Variants in CPNE2 observed in about 807,000 individuals in gnomAD.
The protein encoded by CPNE2 is copine-2.
CPNE2 carries 42 observed loss-of-function variants against 69.7 expected under a neutral mutation model. The observed-to-expected ratio is 0.60, with a 90% confidence interval of 0.47 to 0.78. The LOEUF (loss-of-function observed/expected upper bound fraction) is 0.78. CPNE2 is among the 30% of genes least tolerant of loss of function. The pLI is 0.00. For synonymous variants in CPNE2, 294 were observed against 289.8 expected (o/e 1.01, Z -0.15); for missense variants, 587 against 732.0 (o/e 0.80, Z 2.29).
intron 3 of CPNE2, among the ~76,000 whole-genome samples, chr16:57,115,061 C>T (rs972492093): frequency 4.6e-5 from 7 of 151,340 alleles, no homozygotes; most frequent in Non-Finnish European, 1.0e-4. Context: ...GAGCCGTGAT[C>T]GAGACCTGTC....
chr16:57,134,099 CG>C (rs756397021), intron 12 of CPNE2, among the ~76,000 whole-genome samples: 9 of 152,200 alleles, frequency 5.9e-5, no homozygotes, highest in Non-Finnish European at 1.2e-4. Flanking sequence ...CAGCAGCAGC[CG>C]GATGTGATGG....
intron 14 of CPNE2, among the ~76,000 whole-genome samples, chr16:57,140,093 CG>C (rs1287381633): frequency 6.6e-6 from 1 of 152,050 alleles, no homozygotes; most frequent in African/African-American, 2.4e-5. Flanking sequence ...AGGAGCTTCC[CG>C]GCCCTGACCC....
At chr16:57,110,590 T>A in intron 1 of CPNE2, 118 bp from the exon 2 acceptor site, 1 of 549,644 alleles carries the variant, frequency 1.8e-6, no homozygotes, top group South Asian at 2.9e-5. Context: ...ACAACCCGCC[T>A]CAATTTGCCT....
At chr16:57,093,022 C>G (rs977843532) in intron 1 of CPNE2, among the ~76,000 whole-genome samples, 1 of 152,078 alleles carries the variant, frequency 6.6e-6, no homozygotes, top group South Asian at 2.1e-4. Flanking sequence ...CGGGGAAGGG[C>G]GGGCGGGGTC....
intron 12 of CPNE2, among the ~76,000 whole-genome samples, chr16:57,131,545 G>A (rs114453856): frequency 2.0e-3 from 306 of 152,350 alleles, no homozygotes; most frequent in African/African-American, 7.1e-3. Context: ...TCAAAGAACT[G>A]AATGAGATGT....
chr16:57,134,879 G>T, intron 13 of CPNE2, 53 bp downstream of exon 13: 1 of 1,587,620 alleles, frequency 6.3e-7, no homozygotes, highest in Non-Finnish European at 8.6e-7. Context: ...GGCCTGGCCA[G>T]CTCCCTGGGT....
intron 2 of CPNE2, among the ~76,000 whole-genome samples, chr16:57,112,622 G>A (rs2069688834): frequency 6.6e-6 from 1 of 152,180 alleles, no homozygotes; most frequent in Admixed American, 6.5e-5. Context: ...CAGGAGGCGG[G>A]TTTCCTGTCC....
intron 5 of CPNE2, among the ~76,000 whole-genome samples, chr16:57,118,990 TG>T (rs1216067833): frequency 2.7e-5 from 4 of 149,042 alleles, no homozygotes; most frequent in Non-Finnish European, 4.5e-5. Context: ...GGGTTTCTGC[TG>T]GGGGACCTGG....
chr16:57,098,137 C>T (rs542072087), intron 1 of CPNE2, among the ~76,000 whole-genome samples: 1 of 152,242 alleles, frequency 6.6e-6, no homozygotes, highest in African/African-American at 2.4e-5. Context: ...AGAGCCAGAG[C>T]TTAGTGATTA....
Position 57,123,430 on chromosome 16 carries a change from C to T in CPNE2, c.884C>T (p.Ser295Phe), listed in dbSNP as rs141813722. Residue 295 changes from serine (S) to phenylalanine (F), a missense_variant, in exon 10 of 16, where the codon TCC becomes TTC. Around this residue, in one of 5 missense-constraint regions of CPNE2, gnomAD observed 269 missense variants for 300.5 expected, o/e 0.90. Transcript: ENST00000290776. The stretch of plus-strand genomic sequence containing the variant: ...TTCTTCCAGATAAACCGAGACTACT[C>T]CTTCCTTGACTACATCCTGGGAGGC... The part of the protein sequence containing the change: ...LRSCKINRDY[S>F]FLDYILGGCQ... 70 of 1,613,134 alleles carry T rather than the reference C, an allele frequency of 4.3e-5. No homozygotes were observed. The highest frequency in any genetic ancestry group is 5.8e-5 in the Non-Finnish European group (68 of 1,180,048).
chr16:57,101,156 G>A (rs1203689151), intron 1 of CPNE2, among the ~76,000 whole-genome samples: 1 of 152,204 alleles, frequency 6.6e-6, no homozygotes, highest in African/African-American at 2.4e-5. Flanking sequence ...TAGAAACCCT[G>A]CCTGGGTTTC....
intron 1 of CPNE2, among the ~76,000 whole-genome samples, chr16:57,099,658 C>T (rs560829393): frequency 4.6e-5 from 7 of 151,024 alleles, no homozygotes; most frequent in Non-Finnish European, 8.8e-5. Context: ...AGTGCAGTGG[C>T]GCGATCTCAG....
intron 6 of CPNE2, 117 bp from the exon 7 acceptor site, chr16:57,119,444 T>C: frequency 1.8e-6 from 2 of 1,130,124 alleles, no homozygotes; most frequent in Non-Finnish European, 2.6e-6. Context: ...CTCACTTCTG[T>C]CTCTGGAAGT....
chr16:57,140,193 A>G (rs1191877600), intron 14 of CPNE2, among the ~76,000 whole-genome samples: 1 of 151,018 alleles, frequency 6.6e-6, no homozygotes, highest in Non-Finnish European at 1.5e-5. Flanking sequence ...TTTTTGAGAC[A>G]GAGTTTCACT....
chr16:57,124,708 C>T (rs1167677930), intron 10 of CPNE2: 1 of 247,454 alleles, frequency 4.0e-6, no homozygotes, highest in African/African-American at 2.3e-5. Flanking sequence ...GGGTGCCACG[C>T]TCTGCCCACC....
At chr16:57,113,201 C>A in intron 2 of CPNE2, 87 bp from the exon 3 acceptor site, 1 of 1,277,694 alleles carries the variant, frequency 7.8e-7, no homozygotes, top group Non-Finnish European at 1.1e-6. Context: ...AGGCATTGTA[C>A]AAGTTAGCAG....
At chr16:57,117,680 C>T in intron 5 of CPNE2, 113 bp downstream of exon 5, 1 of 1,246,498 alleles carries the variant, frequency 8.0e-7, no homozygotes, top group Non-Finnish European at 1.1e-6. Context: ...ATTCTAGGGA[C>T]TGGTCCAGCA....
In CPNE2 at chr16:57,147,610, G is replaced by GTAT; in HGVS notation, c.1601_1603dup (p.Tyr534dup). The GTAT allele has an allele frequency of 6.2e-7, 1 of 1,609,364 alleles. No homozygotes were observed. The highest frequency in any genetic ancestry group is 8.5e-7 in the Non-Finnish European group (1 of 1,176,644). On this transcript the variant is annotated inframe_insertion, in exon 16 of 16. Transcript: ENST00000290776. ...CGGAGCTGCCCCAACAAGTTGTGCA[G>GTAT]TATTTCAAGCATAAAAACCTGCCCC...
intron 14 of CPNE2, chr16:57,142,557 A>C (rs2069930358): frequency 6.6e-6 from 1 of 152,156 alleles, no homozygotes; most frequent in Admixed American, 6.6e-5. Context: ...GAGCCACTGG[A>C]AGGTCTTATG....
Sources: allele counts gnomAD v4.1 joint callset (sites outside exome capture counted in the v4.1 genomes callset), GRCh38; gene constraint gnomAD v4.1.1; regional missense constraint gnomAD v4.1.1; transcripts MANE v1.5; gene names NCBI Gene and HGNC (gene_info 2026-07-23, HGNC 2026-07-21).